Variants in CDK15 observed in about 807,000 individuals in gnomAD.
CDK15 encodes the protein cyclin-dependent kinase 15.
A neutral mutation model predicts 60.3 loss-of-function variants in CDK15; 62 were observed. That is an observed-to-expected ratio of 1.03 (90% CI 0.84 to 1.27). The LOEUF is 1.27. Among genes scored for constraint, CDK15 ranks in the 50% most tolerant of loss-of-function variants. The pLI, the probability that CDK15 is intolerant of heterozygous loss-of-function variation, is 0.00. For synonymous variants in CDK15, 194 were observed against 195.7 expected (o/e 0.99, Z 0.07); for missense variants, 541 against 527.8 (o/e 1.03, Z -0.25).
chr2:201,846,879 T>C (rs1488323788), intron 8 of CDK15, among the ~76,000 whole-genome samples: 1 of 152,236 alleles, frequency 6.6e-6, no homozygotes, highest in Non-Finnish European at 1.5e-5. Flanking sequence ...GTTTCTCTTT[T>C]TCGTGTACAA....
At chr2:201,828,504 G>A (rs1208911085) in intron 6 of CDK15, among the ~76,000 whole-genome samples, 2 of 152,078 alleles carry the variant, frequency 1.3e-5, no homozygotes, top group Admixed American at 1.3e-4. Context: ...AGGGTATGGT[G>A]GACAGTATTA....
At chr2:201,846,767 T>C (rs1047669651) in intron 8 of CDK15, among the ~76,000 whole-genome samples, 12 of 152,154 alleles carry the variant, frequency 7.9e-5, no homozygotes, top group African/African-American at 2.9e-4. Context: ...ATTCTTAATA[T>C]AGAGGATGAT....
intron 4 of CDK15, among the ~76,000 whole-genome samples, chr2:201,814,992 C>A (rs1695929038): frequency 6.7e-6 from 1 of 149,784 alleles, no homozygotes; most frequent in Non-Finnish European, 1.5e-5. Context: ...GCTCTTGTTG[C>A]CCAGGCTGGA....
At position 201,835,740 on chromosome 2, in the gene CDK15, A is replaced by T. The variant is rs1490814436; in HGVS notation, c.828A>T (p.Glu276Asp). The T allele has an allele frequency of 1.9e-6, 3 of 1,609,430 alleles. No individual in the cohort carries two copies. In the East Asian group the frequency reaches 6.7e-5, roughly 36 times the overall value. Residue 276 changes from glutamate (E) to aspartate (D), a missense_variant, in exon 8 of 14, where the codon GAA (glutamate) becomes GAT (aspartate). Glu to Asp is a conservative substitution (Grantham distance 45). Transcript: ENST00000652192. ...RPPDALLGAT[E>D]YSSELDIWGA... ...CTGATGCTTTGCTGGGAGCCACTGAATATTCCTCTGAGCTGGACATATGGT... is the reference window on the plus strand; with the variant it reads ...CTGATGCTTTGCTGGGAGCCACTGATTATTCCTCTGAGCTGGACATATGGT...
chr2:201,812,173 C>CAAAA (rs56808760), intron 3 of CDK15, among the ~76,000 whole-genome samples: 1 of 96,810 alleles, frequency 1.0e-5, no homozygotes, highest in Non-Finnish European at 2.2e-5. Flanking sequence ...GATTCTGTCT[C>CAAAA]AAAAAAAAAA....
At chr2:201,893,149 G>A (rs1055570211) in intron 13 of CDK15, among the ~76,000 whole-genome samples, 152 bp from the exon 14 acceptor site, 1 of 152,070 alleles carries the variant, frequency 6.6e-6, no homozygotes, top group African/African-American at 2.4e-5. Flanking sequence ...TTATAACCAG[G>A]GTTAAGATGC....
intron 12 of CDK15, among the ~76,000 whole-genome samples, chr2:201,884,499 C>G (rs1574942105): frequency 6.6e-6 from 1 of 152,264 alleles, no homozygotes; most frequent in East Asian, 1.9e-4. Context: ...CCTCATTGCC[C>G]TGTTAAAATC....
chr2:201,850,736 G>T (rs988978396), intron 9 of CDK15, among the ~76,000 whole-genome samples: 1 of 152,134 alleles, frequency 6.6e-6, no homozygotes, highest in African/African-American at 2.4e-5. Flanking sequence ...TAATGGCTGT[G>T]CTATTTGCAT....
chr2:201,831,412 A>G (rs573870491), intron 6 of CDK15, among the ~76,000 whole-genome samples: 22 of 152,260 alleles, frequency 1.4e-4, no homozygotes, highest in African/African-American at 4.6e-4. Flanking sequence ...GTCACCCACG[A>G]TCTGGCTGAT....
At chr2:201,842,722 G>A (rs1445929196) in intron 8 of CDK15, among the ~76,000 whole-genome samples, 1 of 152,156 alleles carries the variant, frequency 6.6e-6, no homozygotes, top group Non-Finnish European at 1.5e-5. Flanking sequence ...AAAAGTAGGA[G>A]GAGAACCAGA....
rs898011462 is a variant in CDK15, at chr2:201,849,972, C to G, written c.945+2498C>G. On this transcript the variant is annotated intron_variant, in intron 9 of 13. Transcript: ENST00000652192. Reference sequence around the variant, plus strand: ...CCTGACTAGCTGGAATTACAGGTGCCCGCCACCACACCTGGCTAACTTTTG... The same window carrying G: ...CCTGACTAGCTGGAATTACAGGTGCGCGCCACCACACCTGGCTAACTTTTG... Among the ~76,000 whole-genome samples the G allele has an allele frequency of 5.5e-4, 83 of 152,194 alleles. 1 individual carries two copies. Among genetic ancestry groups the G allele is most frequent in the Middle Eastern group, 3.4e-3 (1 of 294 alleles).
At chr2:201,875,709 T>C (rs1283390785) in intron 11 of CDK15, among the ~76,000 whole-genome samples, 1 of 152,240 alleles carries the variant, frequency 6.6e-6, no homozygotes, top group Non-Finnish European at 1.5e-5. Flanking sequence ...TATAAGAGCA[T>C]GTATAGTATG....
At chr2:201,891,562 C>T (rs1055742884) in intron 13 of CDK15, among the ~76,000 whole-genome samples, 1 of 152,118 alleles carries the variant, frequency 6.6e-6, no homozygotes, top group African/African-American at 2.4e-5. Flanking sequence ...CACAAATTAC[C>T]TTCCAGGGTA....
chr2:201,818,592 T>A (rs1696088234), intron 4 of CDK15, among the ~76,000 whole-genome samples: 1 of 152,214 alleles, frequency 6.6e-6, no homozygotes, highest in African/African-American at 2.4e-5. Flanking sequence ...GCATTTCAGA[T>A]CCCTCTGGTG....
At chr2:201,850,736 G>A (rs988978396) in intron 9 of CDK15, among the ~76,000 whole-genome samples, 1 of 152,134 alleles carries the variant, frequency 6.6e-6, no homozygotes, top group African/African-American at 2.4e-5. Flanking sequence ...TAATGGCTGT[G>A]CTATTTGCAT....
chr2:201,883,630 C>G (rs1052653657), intron 12 of CDK15, among the ~76,000 whole-genome samples: 8 of 152,194 alleles, frequency 5.3e-5, no homozygotes, highest in Admixed American at 2.0e-4. Context: ...CTTATTGACT[C>G]GTGAACACCT....
In CDK15 at chr2:201,806,733, C is replaced by T. The variant is rs769401397; in HGVS notation, c.69C>T (p.Gly23=). Residue 23 remains glycine (G), a synonymous_variant, in exon 1 of 14, where the codon GGC becomes GGT. Coordinates refer to ENST00000652192, the MANE Select transcript of CDK15 (RefSeq NM_001366386.2). The stretch of plus-strand genomic sequence containing the variant: ...GCTGCTACCATTGTTCAGAGGGAGG[C>T]GAGGCACACAGCTGTCGGAGGAGTC... ...GCSCYHCSEG[G]EAHSCRRSQP... 10 of 1,598,286 alleles carry T rather than the reference C, an allele frequency of 6.3e-6. No homozygotes were observed. The highest frequency in any genetic ancestry group is 4.5e-5 in the East Asian group (2 of 44,858).
intron 13 of CDK15, 25 bp downstream of exon 13, chr2:201,890,952 C>T: frequency 1.6e-6 from 2 of 1,261,916 alleles, no homozygotes; most frequent in South Asian, 2.5e-5. Context: ...CAGTGAGGTT[C>T]CTTATGGAAC....
chr2:201,807,027 G>A lies in CDK15; in HGVS notation c.123+240G>A, dbSNP rs1002245206. On this transcript the variant is annotated intron_variant, in intron 1 of 13. Transcript: ENST00000652192. ...CACGAAACTCACTTGGCTTGAAGTCGAGAAAGTAGTTCTCTCAAAATCTCT... is the reference window on the plus strand; with the variant it reads ...CACGAAACTCACTTGGCTTGAAGTCAAGAAAGTAGTTCTCTCAAAATCTCT... 2.6e-5 allele frequency among the ~76,000 whole-genome samples: 4 copies of A among 152,124 alleles called. No individual in the cohort carries two copies. The East Asian group carries it at 7.7e-4, about 29-fold the overall frequency.
Sources: allele counts gnomAD v4.1 joint callset (sites outside exome capture counted in the v4.1 genomes callset), GRCh38; gene constraint gnomAD v4.1.1; transcripts MANE v1.5; gene names NCBI Gene and HGNC (gene_info 2026-07-23, HGNC 2026-07-21).